The following POU6F1 variants were observed in gnomAD, a reference collection of about 807,000 sequenced individuals.
POU6F1 encodes the protein POU domain, class 6, transcription factor 1.
In POU6F1, 9 loss-of-function variants were observed where a neutral mutation model predicts 28.9. The ratio of observed to expected loss-of-function variants is 0.31; its 90% CI spans 0.19 to 0.54. The LOEUF (loss-of-function observed/expected upper bound fraction) is 0.54. POU6F1 is among the 20% of genes least tolerant of loss of function. The pLI is 0.94. For missense variants in POU6F1, 338 were observed against 426.1 expected (o/e 0.79, Z 1.82); for synonymous variants, 173 against 171.1 (o/e 1.01, Z -0.09).
chr12:51,191,005 A>G (rs1248368485), intron 10 of POU6F1, among the ~76,000 whole-genome samples: 1 of 152,198 alleles, frequency 6.6e-6, no homozygotes, highest in Admixed American at 6.5e-5. Context: ...GGATGTGGTG[A>G]CAGGATTCTC....
chr12:51,194,310 A>T (rs1001786124), intron 8 of POU6F1, among the ~76,000 whole-genome samples: 1 of 152,118 alleles, frequency 6.6e-6, no homozygotes, highest in Non-Finnish European at 1.5e-5. Context: ...TACAGGCCTG[A>T]GCCACTGTGC....
chr12:51,210,458 GACA>G (rs1417292478), intron 1 of POU6F1, among the ~76,000 whole-genome samples: 7 of 152,136 alleles, frequency 4.6e-5, no homozygotes, highest in African/African-American at 1.4e-4. Context: ...ATCTTTGTAG[GACA>G]ACAAGGCATC....
rs1240165802 is a variant in POU6F1, at chr12:51,191,522, C to T, written c.1490+74G>A. 3.9e-6 allele frequency: 6 copies of T among 1,534,218 alleles called. No homozygotes were observed. The African/African-American group carries it at 6.9e-5, about 18-fold the overall frequency. On this transcript the variant is annotated intron_variant, in intron 10 of 10. Transcript: ENST00000333640. ...GGCATATGGAAAAGGGGCCGGTGCT[C>T]AGGTTCCCATGAGTGCCCGGTGGCA...
chr12:51,210,363 G>A (rs533806192), intron 1 of POU6F1, among the ~76,000 whole-genome samples: 5 of 152,198 alleles, frequency 3.3e-5, no homozygotes, highest in Non-Finnish European at 7.4e-5. Context: ...GTGAATCTGG[G>A]TGCATTATAG....
Position 51,196,925 on chromosome 12 carries a change from G to C in POU6F1, c.849C>G (p.Ile283Met), listed in dbSNP as rs1942866179. 1.9e-6 allele frequency: 3 copies of C among 1,558,392 alleles called. No individual in the cohort carries two copies. In the Admixed American group the frequency reaches 5.1e-5, roughly 26 times the overall value. ...PAGFAFSPGI[I>M]SAASLGGQTQ... is the part of the protein sequence containing the mutation. ...TCTGTCCCCCGAGGGAAGCAGCACT[G>C]ATCTGTGGGTGGAGGAAGAGCCTTG... Residue 283 changes from isoleucine to methionine, a missense_variant and splice_region_variant, in exon 7 of 11, where the codon ATC (isoleucine) becomes ATG (methionine). Around this residue, in one of 3 missense-constraint regions of POU6F1, gnomAD observed 206 missense variants for 225.6 expected, o/e 0.91. Coordinates refer to ENST00000333640, the MANE Select transcript of POU6F1 (RefSeq NM_001330422.2).
intron 2 of POU6F1, among the ~76,000 whole-genome samples, chr12:51,206,148 G>A (rs1165662901): frequency 6.7e-6 from 1 of 149,550 alleles, no homozygotes; most frequent in Non-Finnish European, 1.5e-5. Context: ...AATGGGCCGG[G>A]CGCGGTGGCT....
intron 1 of POU6F1, among the ~76,000 whole-genome samples, chr12:51,213,406 G>A (rs1426193387): frequency 1.3e-5 from 2 of 151,970 alleles, no homozygotes; most frequent in Non-Finnish European, 2.9e-5. Flanking sequence ...CAGAGACAGG[G>A]TCTTTCCATG....
rs1297469271 is a variant in POU6F1, at chr12:51,218,028, T to G, written c.-434A>C. ...TTTTCCCTCCTTCTGCTACTTGGAT[T>G]TTTTTAGCTGCTGCGTCATGAGCAT... On this transcript the variant is annotated 5_prime_UTR_variant, in exon 1 of 11. Coordinates refer to ENST00000333640, the MANE Select transcript of POU6F1 (RefSeq NM_001330422.2). Among the ~76,000 whole-genome samples, 2 of 151,596 alleles carry G rather than the reference T, an allele frequency of 1.3e-5. No homozygotes were observed. The highest frequency in any genetic ancestry group is 4.8e-5 in the African/African-American group (2 of 41,320).
chr12:51,194,348 A>C (rs1306402354), intron 8 of POU6F1, among the ~76,000 whole-genome samples: 1 of 152,110 alleles, frequency 6.6e-6, no homozygotes, highest in African/African-American at 2.4e-5. Context: ...TTTTTAAAAA[A>C]TGCATCTCTC....
At chr12:51,212,828 A>G (rs1944089770) in intron 1 of POU6F1, among the ~76,000 whole-genome samples, 1 of 151,180 alleles carries the variant, frequency 6.6e-6, no homozygotes, top group South Asian at 2.1e-4. Context: ...TATGGGAGTC[A>G]AGGAAATAAG....
chr12:51,216,135 C>G (rs550210851), intron 1 of POU6F1, among the ~76,000 whole-genome samples: 1 of 151,966 alleles, frequency 6.6e-6, no homozygotes, highest in Non-Finnish European at 1.5e-5. Flanking sequence ...CTGGGCAACA[C>G]GGTGAAACCC....
intron 1 of POU6F1, among the ~76,000 whole-genome samples, chr12:51,213,258 G>A (rs1389617502): frequency 6.6e-6 from 1 of 151,840 alleles, no homozygotes; most frequent in Non-Finnish European, 1.5e-5. Flanking sequence ...TTTATGTGGT[G>A]CTTGTTCCCA....
chr12:51,190,075 G>C lies in POU6F1; in HGVS notation c.*172C>G. ...CCCCTCTGGCCTCCCCATGATGTGA[G>C]ATGTGTGGGAGAAAAGAGGGACATT... On this transcript the variant is annotated 3_prime_UTR_variant, in exon 11 of 11. Coordinates refer to ENST00000333640, the MANE Select transcript of POU6F1 (RefSeq NM_001330422.2). This position sits in a 1 kb window ranked among gnomAD's most constrained non-coding sequence, Gnocchi z 4.5. 3 of 1,224,654 alleles carry C rather than the reference G, an allele frequency of 2.4e-6. No individual in the cohort carries two copies. In the South Asian group the frequency reaches 4.7e-5, roughly 19 times the overall value. 75.9% of individuals were successfully genotyped at this position (1,224,654 alleles called of 1,614,324 possible).
intron 8 of POU6F1, among the ~76,000 whole-genome samples, chr12:51,193,833 A>T (rs749712941): frequency 8.5e-5 from 13 of 152,216 alleles, no homozygotes; most frequent in Non-Finnish European, 1.6e-4. Flanking sequence ...TGGTATGATT[A>T]AAAAGAAAAA....
At chr12:51,200,465 T>C (rs1592164538) in intron 3 of POU6F1, among the ~76,000 whole-genome samples, 1 of 152,110 alleles carries the variant, frequency 6.6e-6, no homozygotes, top group Non-Finnish European at 1.5e-5. Flanking sequence ...AGGTCTAAAG[T>C]CATGTGAGCA....
At chr12:51,204,536 G>C (rs1178787968) in intron 2 of POU6F1, among the ~76,000 whole-genome samples, 168 bp from the exon 3 acceptor site, 1 of 152,176 alleles carries the variant, frequency 6.6e-6, no homozygotes, top group African/African-American at 2.4e-5. Flanking sequence ...GCAGGTTGCA[G>C]CTCCCTGATT....
At chr12:51,210,724 A>G (rs1383091387) in intron 1 of POU6F1, among the ~76,000 whole-genome samples, 2 of 152,154 alleles carry the variant, frequency 1.3e-5, no homozygotes, top group African/African-American at 4.8e-5. Flanking sequence ...GTCAGTCCTG[A>G]GACATAGCCT....
chr12:51,191,879 G>T, intron 9 of POU6F1, 115 bp from the exon 10 acceptor site: 1 of 1,292,064 alleles, frequency 7.7e-7, no homozygotes, highest in Non-Finnish European at 1.1e-6. Flanking sequence ...CTGGGAAAAG[G>T]CTCACGCACC....
intron 1 of POU6F1, among the ~76,000 whole-genome samples, chr12:51,208,701 C>T (rs530746408): frequency 1.3e-5 from 2 of 152,312 alleles, no homozygotes; most frequent in South Asian, 2.1e-4. Flanking sequence ...AATCCCAGGA[C>T]TTAGGCAGGT....
Sources: allele counts gnomAD v4.1 joint callset (sites outside exome capture counted in the v4.1 genomes callset), GRCh38; gene constraint gnomAD v4.1.1; regional missense constraint gnomAD v4.1.1; non-coding constraint Gnocchi (gnomAD v3.1); transcripts MANE v1.5; gene names NCBI Gene and HGNC (gene_info 2026-07-23, HGNC 2026-07-21).